MPV17L: variants seen among roughly 807,000 people sequenced by gnomAD.
MPV17L encodes mpv17-like protein.
A neutral mutation model predicts 25.8 loss-of-function variants in MPV17L; 24 were observed. The ratio of observed to expected loss-of-function variants is 0.93; its 90% confidence interval spans 0.67 to 1.31. MPV17L has a LOEUF of 1.31. Ranked by LOEUF, MPV17L falls within the 50% of genes most tolerant of loss-of-function variation. The pLI is 0.00. For missense variants in MPV17L, 250 were observed against 265.6 expected (o/e 0.94, Z 0.41); for synonymous variants, 102 against 115.3 (o/e 0.88, Z 0.74).
intron 2 of MPV17L, among the ~76,000 whole-genome samples, chr16:15,405,913 G>T (rs1367369178): frequency 2.0e-5 from 3 of 151,818 alleles, no homozygotes; most frequent in Non-Finnish European, 4.4e-5. Flanking sequence ...TTATGGCCGG[G>T]CATGGTGGCT....
At position 15,395,905 on chromosome 16, in the gene MPV17L, G is replaced by C; in HGVS notation, c.8G>C (p.Gly3Ala). The change falls in exon 1 of 4, where the codon GGC becomes GCC. Residue 3 changes from glycine to alanine, a missense_variant. Physicochemically the swap from Gly to Ala is moderately conservative, Grantham distance 60 (BLOSUM62 0). Coordinates refer to ENST00000396385, the MANE Select transcript of MPV17L (RefSeq NM_001128423.2). ...GGCGCCCACAGCGCGGACATGGCGG[G>C]CTGGTGGCCGGCGTTGTCGCGCGCG... is the stretch of plus-strand genomic sequence containing the variant. MA[G>A]WWPALSRAAR... 1 of 1,408,156 alleles carries C rather than the reference G, an allele frequency of 7.1e-7. No homozygotes were observed. The highest frequency in any genetic ancestry group is 1.5e-5 in the African/African-American group (1 of 66,116). The allele number at this position is 1,408,156 out of a possible 1,614,324, so 87.2% of individuals were successfully genotyped here. A position where few individuals can be genotyped will look rare whatever the true frequency, so the allele number is the denominator to read the frequency against.
intron 1 of MPV17L, among the ~76,000 whole-genome samples, chr16:15,398,832 G>A (rs1255184404): frequency 6.6e-6 from 1 of 151,970 alleles, no homozygotes; most frequent in Non-Finnish European, 1.5e-5. Context: ...GACCTCAAGT[G>A]ACTTGCCCAC....
At position 15,411,568 on chromosome 16, in the gene MPV17L, C is replaced by T. The variant is rs1369043684; in HGVS notation, c.*3456C>T. The T allele has an allele frequency of 6.6e-6, 1 of 152,138 alleles. No homozygotes were observed. Among genetic ancestry groups the T allele is most frequent in the Non-Finnish European group, 1.5e-5 (1 of 68,038 alleles). The allele number at this position is 152,138 out of a possible 1,614,324, so 9.4% of individuals were successfully genotyped here. On this transcript the variant is annotated 3_prime_UTR_variant, in exon 4 of 4. Coordinates refer to ENST00000396385, the MANE Select transcript of MPV17L (RefSeq NM_001128423.2). ...GACTCATGCAGGAGGATCTCTCGAGCTCAGGAGGCAGAAGATGAATAAATA... is the reference window on the plus strand; with the variant it reads ...GACTCATGCAGGAGGATCTCTCGAGTTCAGGAGGCAGAAGATGAATAAATA...
In MPV17L at chr16:15,411,076, C is replaced by CA. The variant is rs1436087612; in HGVS notation, c.*2970dup. 1 of 152,088 alleles carries CA rather than the reference C, an allele frequency of 6.6e-6. No homozygotes were observed. Among genetic ancestry groups the CA allele is most frequent in the Non-Finnish European group, 1.5e-5 (1 of 68,054 alleles). The allele number at this position is 152,088 out of a possible 1,614,324, so 9.4% of individuals were successfully genotyped here. On this transcript the variant is annotated 3_prime_UTR_variant, in exon 4 of 4. Coordinates refer to ENST00000396385, the MANE Select transcript of MPV17L (RefSeq NM_001128423.2). ...TGAAACGCCATCTCTACTAAAAATA[C>CA]AAAAAATTAGCTGGGCATGGTGGCG...
chr16:15,406,836 G>A (rs571520046), intron 2 of MPV17L, among the ~76,000 whole-genome samples: 4 of 152,144 alleles, frequency 2.6e-5, no homozygotes, highest in Admixed American at 2.6e-4. Context: ...TGAGGCAGGA[G>A]AACTGCTTGA....
intron 2 of MPV17L, among the ~76,000 whole-genome samples, chr16:15,401,682 C>T (rs546734396): frequency 1.2e-4 from 19 of 152,012 alleles, no homozygotes; most frequent in Admixed American, 2.0e-4. Flanking sequence ...TAGTCAGGCA[C>T]GGTGGTGCAT....
intron 2 of MPV17L, among the ~76,000 whole-genome samples, chr16:15,406,193 A>C (rs906225740): frequency 3.3e-5 from 5 of 151,288 alleles, no homozygotes; most frequent in African/African-American, 4.9e-5. Context: ...CATCTCAAAA[A>C]ATATATATAT....
At chr16:15,399,396 A>G (rs1471951010) in intron 1 of MPV17L, 1 of 454,100 alleles carries the variant, frequency 2.2e-6, no homozygotes, top group Non-Finnish European at 4.4e-6. Context: ...ACCTGAATTT[A>G]TTGTTACTTT....
intron 2 of MPV17L, among the ~76,000 whole-genome samples, chr16:15,401,084 A>ATTTT (rs1208525759): frequency 2.3e-3 from 75 of 33,206 alleles, no homozygotes; most frequent in East Asian, 6.9e-3. Context: ...ATATATATAT[A>ATTTT]TATTTTTTTT....
intron 2 of MPV17L, among the ~76,000 whole-genome samples, chr16:15,403,995 C>T (rs2050660788): frequency 6.6e-6 from 1 of 151,730 alleles, no homozygotes; most frequent in Admixed American, 6.6e-5. Context: ...ATGAAATCCC[C>T]TCTCTACTAA....
chr16:15,404,622 AC>A (rs2050665443), intron 2 of MPV17L, among the ~76,000 whole-genome samples: 1 of 152,172 alleles, frequency 6.6e-6, no homozygotes, highest in South Asian at 2.1e-4. Context: ...GGAGTTCGAG[AC>A]CAGCCTGACC....
In MPV17L at chr16:15,398,248, TGGCCA is replaced by T. The variant is rs552150111; in HGVS notation, c.310+2045_310+2049del. On this transcript the variant is annotated intron_variant, in intron 1 of 3. Coordinates refer to ENST00000396385, the MANE Select transcript of MPV17L (RefSeq NM_001128423.2). Reference sequence around the variant, plus strand: ...TAATGGAGATGGGGTTTCACCATGTTGGCCAGGCTGGTCTCGAACTCCTGACCTCA... The same window carrying T: ...TAATGGAGATGGGGTTTCACCATGTTGGCTGGTCTCGAACTCCTGACCTCA... Among the ~76,000 whole-genome samples the T allele has an allele frequency of 8.4e-3, 1,281 of 152,252 alleles. 23 individuals are homozygous for T. Among genetic ancestry groups the T allele is most frequent in the Middle Eastern group, 0.027 (8 of 294 alleles).
In MPV17L at chr16:15,407,677, G is replaced by A. The variant is rs2050693553; in HGVS notation, c.382-147G>A. ...CAATTGCTTGAACCCAGGAGGCAGA[G>A]GTTGCGGTGAGCTAAGATTGCACCA... On this transcript the variant is annotated intron_variant, in intron 2 of 3. Coordinates refer to ENST00000396385, the MANE Select transcript of MPV17L (RefSeq NM_001128423.2). 5 of 698,230 alleles carry A rather than the reference G, an allele frequency of 7.2e-6. No individual in the cohort carries two copies. The South Asian group carries it at 1.0e-4, about 15-fold the overall frequency. The allele number at this position is 698,230 out of a possible 1,614,324, so 43.3% of individuals were successfully genotyped here.
rs779182023 is a variant in MPV17L at position 15,408,098 on chromosome 16, T to C, written c.577T>C (p.Tyr193His). 5 of 1,599,702 alleles carry C rather than the reference T, an allele frequency of 3.1e-6. No homozygotes were observed. Among genetic ancestry groups the C allele is most frequent in the Non-Finnish European group, 4.3e-6 (5 of 1,171,704 alleles). ...YTKGTSATEG[Y>H]PKK ...AAAGGGGACCAGTGCCACAGAAGGGTACCCGAAGAAATGAGAAGTCAAGGA... is the reference window on the plus strand; with the variant it reads ...AAAGGGGACCAGTGCCACAGAAGGGCACCCGAAGAAATGAGAAGTCAAGGA... Residue 193 changes from tyrosine to histidine, a missense_variant, in exon 4 of 4, where the codon TAC becomes CAC. Transcript: ENST00000396385.
At chr16:15,406,666 C>T (rs989423140) in intron 2 of MPV17L, among the ~76,000 whole-genome samples, 9 of 152,176 alleles carry the variant, frequency 5.9e-5, no homozygotes, top group Admixed American at 6.6e-5. Context: ...TGGCTCATGC[C>T]TGTAATCCTA....
At chr16:15,402,086 A>C (rs2150905975) in intron 2 of MPV17L, among the ~76,000 whole-genome samples, 1 of 152,300 alleles carries the variant, frequency 6.6e-6, no homozygotes, top group African/African-American at 2.4e-5. Flanking sequence ...CCTGGTGAAA[A>C]GAACTTTAAC....
At chr16:15,398,676 C>T (rs1427894700) in intron 1 of MPV17L, among the ~76,000 whole-genome samples, 1 of 151,012 alleles carries the variant, frequency 6.6e-6, no homozygotes, top group Non-Finnish European at 1.5e-5. Context: ...GCAACCTCAG[C>T]CTCCCAGGTT....
chr16:15,399,984 A>G (rs1187314139), intron 1 of MPV17L, among the ~76,000 whole-genome samples: 1 of 152,086 alleles, frequency 6.6e-6, no homozygotes, highest in Non-Finnish European at 1.5e-5. Context: ...TTGTATTTTT[A>G]GTAGAGACGG....
intron 2 of MPV17L, among the ~76,000 whole-genome samples, chr16:15,405,987 G>A (rs1303723338): frequency 2.0e-5 from 3 of 151,656 alleles, no homozygotes; most frequent in Admixed American, 6.6e-5. Context: ...TCAGGAGTTC[G>A]AGACCAGCCT....
Sources: allele counts gnomAD v4.1 joint callset (sites outside exome capture counted in the v4.1 genomes callset), GRCh38; gene constraint gnomAD v4.1.1; transcripts MANE v1.5; gene names NCBI Gene and HGNC (gene_info 2026-07-23, HGNC 2026-07-21).